Variants in ADH7 observed in about 807,000 individuals in gnomAD.
ADH7 encodes the protein all-trans-retinol dehydrogenase [NAD(+)] ADH7.
In ADH7, 41 loss-of-function variants were observed where a neutral mutation model predicts 34.4. The observed-to-expected ratio is 1.19, with a 90% CI of 0.93 to 1.55. The LOEUF (loss-of-function observed/expected upper bound fraction) is 1.55, where lower values mean the gene tolerates loss of function less well. Ranked by LOEUF, ADH7 falls within the 40% of genes most tolerant of loss-of-function variation. The probability of loss-of-function intolerance (pLI) is 0.00; values close to 1 mark genes in which losing one functional copy is unlikely to be tolerated. For synonymous variants in ADH7, 180 were observed against 160.9 expected, an observed-to-expected ratio of 1.12 and a Z score of -0.90; for missense variants, 540 against 461.2, an observed-to-expected ratio of 1.17 and a Z score of -1.56.
intron 5 of ADH7, among the ~76,000 whole-genome samples, chr4:99,427,359 T>A (rs1233007437): frequency 6.6e-6 from 1 of 152,182 alleles, no homozygotes; most frequent in South Asian, 2.1e-4. Context: ...TTCTGAGAAG[T>A]TGGTAATGTA....
intron 6 of ADH7, 93 bp from the exon 7 acceptor site, chr4:99,419,214 G>A: frequency 7.2e-7 from 1 of 1,386,864 alleles, no homozygotes; most frequent in Non-Finnish European, 9.6e-7. Flanking sequence ...ACAAAGTCAT[G>A]AAATTAAATT....
chr4:99,422,485 A>G (rs1260412768), intron 5 of ADH7, among the ~76,000 whole-genome samples: 1 of 152,006 alleles, frequency 6.6e-6, no homozygotes, highest in African/African-American at 2.4e-5. Flanking sequence ...GGGGAACAAC[A>G]CACATCAGGG....
intron 7 of ADH7, among the ~76,000 whole-genome samples, chr4:99,416,941 C>T (rs1721533738): frequency 6.6e-6 from 1 of 152,100 alleles, no homozygotes; most frequent in African/African-American, 2.4e-5. Flanking sequence ...GTTGCTTAGG[C>T]CCAAAAATCT....
chr4:99,423,339 C>T (rs996526339), intron 5 of ADH7, among the ~76,000 whole-genome samples: 7 of 151,174 alleles, frequency 4.6e-5, no homozygotes, highest in Non-Finnish European at 1.0e-4. Flanking sequence ...AATAAACATA[C>T]GTGTGCATGT....
chr4:99,420,506 T>A, intron 6 of ADH7, 27 bp downstream of exon 6: 1 of 1,605,820 alleles, frequency 6.2e-7, no homozygotes. Flanking sequence ...TTGGGTATTT[T>A]GTGGCTTCTC....
chr4:99,419,486 GT>G (rs140580197), intron 6 of ADH7, among the ~76,000 whole-genome samples: 23 of 149,146 alleles, frequency 1.5e-4, no homozygotes, highest in Middle Eastern at 3.4e-3. Flanking sequence ...ATTTAGCGTA[GT>G]TTTTTTTTTA....
chr4:99,434,988 A>G, intron 1 of ADH7: 1 of 1,434,868 alleles, frequency 7.0e-7, no homozygotes, highest in Non-Finnish European at 9.5e-7. Flanking sequence ...ATTTTCCACC[A>G]ATGTCTTGCT....
At chr4:99,415,768 A>G (rs959752414) in intron 7 of ADH7, 152 bp from the exon 8 acceptor site, 2 of 746,136 alleles carry the variant, frequency 2.7e-6, no homozygotes, top group African/African-American at 3.6e-5. Context: ...TTGTCCCAGC[A>G]TAAGAAACAA....
rs1416140264 is a variant in ADH7 at position 99,429,579 on chromosome 4, C to A, written c.73G>T (p.Glu25Ter). ...LWEQKQPFSI[E>*]EIEVAPPKTK... ...TTTGGTGGGGCAACTTCTATTTCCTCAATGGAGAAGGGTTGCTTCTGCTCC... is the reference window on the plus strand; with the variant it reads ...TTTGGTGGGGCAACTTCTATTTCCTAAATGGAGAAGGGTTGCTTCTGCTCC... The change falls in exon 2 of 9, where the codon GAG (glutamate) becomes TAG (stop). Residue 25 changes from glutamate to a stop codon, truncating the protein, a stop_gained. Transcript: ENST00000437033. LOFTEE classifies it high-confidence loss of function. 1.2e-6 allele frequency: 2 copies of A among 1,612,526 alleles called. No homozygotes were observed. The highest frequency in any genetic ancestry group is 1.7e-6 in the Non-Finnish European group (2 of 1,179,242).
chr4:99,429,472 C>T lies in ADH7; in HGVS notation c.120+60G>A, dbSNP rs536837425. 4.1e-6 allele frequency: 5 copies of T among 1,226,098 alleles called. No individual in the cohort carries two copies. In the East Asian group the frequency reaches 9.6e-5, roughly 24 times the overall value. 76.0% of individuals were successfully genotyped at this position (1,226,098 alleles called of 1,614,324 possible). On this transcript the variant is annotated intron_variant, in intron 2 of 8. Transcript: ENST00000437033. Reference sequence around the variant, plus strand: ...TTAAGAATCCAGCCTCACAACAGTGCTATATTCAATATAAGTTTGATAACG... The same window carrying T: ...TTAAGAATCCAGCCTCACAACAGTGTTATATTCAATATAAGTTTGATAACG...
Position 99,428,159 on chromosome 4 carries a change from G to C in ADH7, c.275C>G (p.Pro92Arg). 6.2e-7 allele frequency: 1 copy of C among 1,613,868 alleles called. No homozygotes were observed. The highest frequency in any genetic ancestry group is 8.5e-7 in the Non-Finnish European group (1 of 1,179,846). Reference sequence around the variant, plus strand: ...TTCTCTACATTGTGGCAGAAAGAGAGGGATGACTTTGTCACCTACAGGAAA... The same window carrying C: ...TTCTCTACATTGTGGCAGAAAGAGACGGATGACTTTGTCACCTACAGGAAA... ...TTVKPGDKVIPLFLPQCRECN... is the reference protein window; with the variant it reads ...TTVKPGDKVIRLFLPQCRECN... Residue 92 changes from proline to arginine, a missense_variant, in exon 4 of 9, where the codon CCT becomes CGT. Transcript: ENST00000437033.
chr4:99,429,503 G>A (rs746684856), intron 2 of ADH7, 29 bp downstream of exon 2: 1 of 1,536,396 alleles, frequency 6.5e-7, no homozygotes, highest in Non-Finnish European at 9.0e-7. Context: ...TAACGCTTTT[G>A]GCTTAAGTTC....
intron 5 of ADH7, among the ~76,000 whole-genome samples, chr4:99,421,592 C>A (rs115235200): frequency 0.015 from 2,359 of 152,266 alleles, 35 homozygotes; most frequent in Non-Finnish European, 0.025. Flanking sequence ...TAGACATAGG[C>A]AAAGACTTCA....
chr4:99,422,640 T>C (rs559040289), intron 5 of ADH7, among the ~76,000 whole-genome samples: 55 of 152,214 alleles, frequency 3.6e-4, no homozygotes, highest in Middle Eastern at 3.4e-3. Flanking sequence ...AAATAAAAAA[T>C]CATAACTCTG....
intron 1 of ADH7, among the ~76,000 whole-genome samples, chr4:99,431,115 G>A (rs1386236260): frequency 6.6e-6 from 1 of 152,108 alleles, no homozygotes; most frequent in East Asian, 1.9e-4. Context: ...TATTTTTAAA[G>A]TCAAACTATT....
chr4:99,416,115 T>C (rs559034183), intron 7 of ADH7, among the ~76,000 whole-genome samples: 1 of 152,120 alleles, frequency 6.6e-6, no homozygotes, highest in African/African-American at 2.4e-5. Flanking sequence ...GTTCTGCACA[T>C]GTATCCCAGA....
chr4:99,428,369 A>G (rs1481981156), intron 3 of ADH7, 123 bp downstream of exon 3: 6 of 1,350,768 alleles, frequency 4.4e-6, no homozygotes, highest in Non-Finnish European at 6.1e-6. Flanking sequence ...CCATTCTTGT[A>G]TCCTTTTAAT....
chr4:99,432,746 T>G (rs540213505), intron 1 of ADH7: 4 of 152,154 alleles, frequency 2.6e-5, no homozygotes, highest in Non-Finnish European at 5.9e-5. Flanking sequence ...AACAGATTAA[T>G]GAATAGATTG....
At chr4:99,415,708 T>C in intron 7 of ADH7, 92 bp from the exon 8 acceptor site, 2 of 1,316,050 alleles carry the variant, frequency 1.5e-6, no homozygotes, top group South Asian at 2.9e-5. Context: ...TCCTGCACTA[T>C]GACTTTCCCT....
Sources: gnomAD v4.1 joint callset for allele counts (sites outside exome capture counted in the v4.1 genomes callset) on GRCh38, gnomAD v4.1.1 for gene constraint, MANE v1.5 for transcripts, NCBI Gene and HGNC (gene_info 2026-07-23, HGNC 2026-07-21) for gene names.